Variants in CORO1A observed in about 807,000 individuals in gnomAD.
CORO1A encodes coronin 1A.
A neutral mutation model predicts 44.1 loss-of-function variants in CORO1A; 17 were observed. The observed-to-expected ratio is 0.39, with a 90% CI of 0.26 to 0.58. CORO1A has a LOEUF of 0.58. CORO1A is among the 20% of genes least tolerant of loss of function. CORO1A has a pLI of 0.62. For synonymous variants in CORO1A, 271 were observed against 244.2 expected (o/e 1.11, Z -1.02); for missense variants, 415 against 606.5 (o/e 0.68, Z 3.32).
Position 30,185,206 on chromosome 16 carries a change from C to A in CORO1A, c.-1-3C>A. On this transcript the variant is annotated splice_polypyrimidine_tract_variant and splice_region_variant and intron_variant, in intron 1 of 10. Transcript: ENST00000219150. Reference sequence around the variant, plus strand: ...GAAATGCTCTTATGCTGTGTGCCCCCAGAATGAGCCGGCAGGTGGTCCGCT... The same window carrying A: ...GAAATGCTCTTATGCTGTGTGCCCCAAGAATGAGCCGGCAGGTGGTCCGCT... 1 of 1,614,088 alleles carries A rather than the reference C, an allele frequency of 6.2e-7. No homozygotes were observed. Among genetic ancestry groups the A allele is most frequent in the African/African-American group, 1.3e-5 (1 of 75,054 alleles).
In CORO1A at chr16:30,187,025, T is replaced by C; in HGVS notation, c.452-14T>C. 1.2e-6 allele frequency: 2 copies of C among 1,613,720 alleles called. No homozygotes were observed. Among genetic ancestry groups the C allele is most frequent in the Non-Finnish European group, 1.7e-6 (2 of 1,179,906 alleles). ...AGGAGGCTCATGGCTTCTGACACTG[T>C]GGGGAACGTGCAGGTTGTGACAACG... On this transcript the variant is annotated splice_polypyrimidine_tract_variant and intron_variant, in intron 4 of 10. Coordinates refer to ENST00000219150, the MANE Select transcript of CORO1A (RefSeq NM_007074.4).
Position 30,187,384 on chromosome 16 carries a change from G to A in CORO1A, c.639G>A (p.Glu213=). 6.2e-7 allele frequency: 1 copy of A among 1,610,686 alleles called. No homozygotes were observed. The highest frequency in any genetic ancestry group is 8.5e-7 in the Non-Finnish European group (1 of 1,179,998). Reference sequence around the variant, plus strand: ...CTACCACCTCCCTTTCCTTGCAGGAGAAGGACCGTCCCCACGAGGGGACCC... The same window carrying A: ...CTACCACCTCCCTTTCCTTGCAGGAAAAGGACCGTCCCCACGAGGGGACCC... ...IEPRKGTVVA[E]KDRPHEGTRP... The change falls in exon 6 of 11, where the codon GAG becomes GAA. Residue 213 remains glutamate, a splice_region_variant and synonymous_variant. Coordinates refer to ENST00000219150, the MANE Select transcript of CORO1A (RefSeq NM_007074.4).
In CORO1A at chr16:30,185,415, C is replaced by T. The variant is rs376374255; in HGVS notation, c.198+8C>T. On this transcript the variant is annotated splice_region_variant and intron_variant, in intron 2 of 10. Coordinates refer to ENST00000219150, the MANE Select transcript of CORO1A (RefSeq NM_007074.4). The stretch of plus-strand genomic sequence containing the variant: ...GTGCTGCCCCTGGGCAAGGTGAGCC[C>T]CTGGGGCCCTGGGGGGAGCAGCTCC... The T allele has an allele frequency of 3.1e-6, 5 of 1,610,904 alleles. No homozygotes were observed. The African/African-American group carries it at 4.0e-5, about 13-fold the overall frequency.
chr16:30,186,274 T>G, intron 2 of CORO1A: 4 of 391,554 alleles, frequency 1.0e-5, no homozygotes, highest in Non-Finnish European at 1.5e-5. Context: ...GTTGTGCCCA[T>G]GGAAGCCTCA....
intron 2 of CORO1A, chr16:30,185,975 GT>G (rs2073328979): frequency 5.1e-6 from 1 of 196,166 alleles, no homozygotes; most frequent in South Asian, 8.2e-5. Context: ...GCCCCAAGTT[GT>G]TACCTTAAAA....
At position 30,188,491 on chromosome 16, in the gene CORO1A, C is replaced by G; in HGVS notation, c.1196C>G (p.Pro399Arg). The change falls in exon 10 of 11, where the codon CCA becomes CGA. Residue 399 changes from proline to arginine, a missense_variant. Transcript: ENST00000219150. ...TCCCTCAAGGATGGCTACGTACCCC[C>G]AAAGAGCCGGGAGCTGAGGGTCAAC... Reference protein sequence around the residue: ...LISLKDGYVPPKSRELRVNRG... With the variant: ...LISLKDGYVPRKSRELRVNRG... The G allele has an allele frequency of 6.2e-7, 1 of 1,613,150 alleles. No individual in the cohort carries two copies. The highest frequency in any genetic ancestry group is 8.5e-7 in the Non-Finnish European group (1 of 1,179,966).
chr16:30,188,861 A>C lies in CORO1A; in HGVS notation c.1283A>C (p.Asp428Ala), dbSNP rs1181101472. The change falls in exon 11 of 11, where the codon GAT becomes GCT. Residue 428 changes from aspartate to alanine, a missense_variant and splice_region_variant. Asp to Ala is a moderately radical substitution (Grantham distance 126). Around this residue, in one of 2 missense-constraint regions of CORO1A, gnomAD observed 90 missense variants for 84.7 expected, o/e 1.06. Transcript: ENST00000219150. Reference protein sequence around the residue: ...APEASGTPSSDAVSRLEEEMR... With the variant: ...APEASGTPSSAAVSRLEEEMR... ...CCTAATGCAGCACCGGGTCCCCAGG[A>C]TGCCGTGTCTCGGCTGGAGGAGGAG... is the stretch of plus-strand genomic sequence containing the variant. The C allele has an allele frequency of 2.5e-6, 1 of 392,404 alleles. No individual in the cohort carries two copies. Among genetic ancestry groups the C allele is most frequent in the African/African-American group, 6.4e-5 (1 of 15,514 alleles). The allele number at this position is 392,404 out of a possible 1,614,324, so 24.3% of individuals were successfully genotyped here.
rs1193628817 is a variant in CORO1A, at chr16:30,187,705, C to T, written c.757-20C>T. On this transcript the variant is annotated intron_variant, in intron 6 of 10. Coordinates refer to ENST00000219150, the MANE Select transcript of CORO1A (RefSeq NM_007074.4). Reference sequence around the variant, plus strand: ...CACCATCCCAGGGCCTGGGATGTTACCTCTCACCTGTGTCTACAGAAGCAC... The same window carrying T: ...CACCATCCCAGGGCCTGGGATGTTATCTCTCACCTGTGTCTACAGAAGCAC... The T allele has an allele frequency of 3.8e-6, 6 of 1,581,870 alleles. No homozygotes were observed. The highest frequency in any genetic ancestry group is 3.3e-5 in the South Asian group (3 of 90,504).
In CORO1A at chr16:30,187,943, G is replaced by T. The variant is rs771972084; in HGVS notation, c.863G>T (p.Gly288Val). The change falls in exon 8 of 11, where the codon GGT (glycine) becomes GTT (valine). Residue 288 changes from glycine (G) to valine (V), a missense_variant and splice_region_variant. This residue lies in a region of CORO1A where 325 missense variants were observed against 521.7 expected (regional missense o/e 0.62). Coordinates refer to ENST00000219150, the MANE Select transcript of CORO1A (RefSeq NM_007074.4). ...TCCCTCCACACCTGCCACCTACAGG[G>T]TGACAGCTCAATCCGGTACTTTGAG... ...DTNIVYLCGK[G>V]DSSIRYFEIT... The T allele has an allele frequency of 6.2e-7, 1 of 1,614,028 alleles. No homozygotes were observed.
At position 30,186,612 on chromosome 16, in the gene CORO1A, C is replaced by T. The variant is rs758837364; in HGVS notation, c.213C>T (p.Asp71=). ...TGTGCCTTTAGACTGGACGTGTGGA[C>T]AAGAATGCGCCCACGGTCTGTGGCC... ...VLPLGKTGRV[D]KNAPTVCGHT... is the part of the protein sequence containing the mutation. The change falls in exon 3 of 11, where the codon GAC becomes GAT. Residue 71 remains aspartate, a synonymous_variant. Transcript: ENST00000219150. 9 of 1,612,312 alleles carry T rather than the reference C, an allele frequency of 5.6e-6. No homozygotes were observed. The highest frequency in any genetic ancestry group is 7.6e-6 in the Non-Finnish European group (9 of 1,180,014).
chr16:30,187,418 C>A lies in CORO1A; in HGVS notation c.673C>A (p.Arg225Ser). 6.2e-7 allele frequency: 1 copy of A among 1,611,286 alleles called. No homozygotes were observed. The highest frequency in any genetic ancestry group is 8.5e-7 in the Non-Finnish European group (1 of 1,180,004). ...TCCCCACGAGGGGACCCGGCCCGTG[C>A]GTGCAGTGTTCGTGTCGGAGGGGAA... ...DRPHEGTRPV[R>S]AVFVSEGKIL... The change falls in exon 6 of 11, where the codon CGT becomes AGT. Residue 225 changes from arginine to serine, a missense_variant. Physicochemically the swap from Arg to Ser is moderately radical, Grantham distance 110. Around this residue, in one of 2 missense-constraint regions of CORO1A, gnomAD observed 325 missense variants for 521.7 expected, o/e 0.62. Transcript: ENST00000219150.
intron 8 of CORO1A, 31 bp from the exon 9 acceptor site, chr16:30,188,159 CTG>C: frequency 6.2e-7 from 1 of 1,613,722 alleles, no homozygotes; most frequent in Admixed American, 1.7e-5. Context: ...CCCAACCAGA[CTG>C]TGGGCCCCGC....
At position 30,187,421 on chromosome 16, in the gene CORO1A, G is replaced by A. The variant is rs1308704846; in HGVS notation, c.676G>A (p.Ala226Thr). ...CCACGAGGGGACCCGGCCCGTGCGTGCAGTGTTCGTGTCGGAGGGGAAGAT... is the reference window on the plus strand; with the variant it reads ...CCACGAGGGGACCCGGCCCGTGCGTACAGTGTTCGTGTCGGAGGGGAAGAT... ...RPHEGTRPVR[A>T]VFVSEGKILT... Residue 226 changes from alanine (A) to threonine (T), a missense_variant, in exon 6 of 11, where the codon GCA becomes ACA. Coordinates refer to ENST00000219150, the MANE Select transcript of CORO1A (RefSeq NM_007074.4). 6.2e-7 allele frequency: 1 copy of A among 1,611,246 alleles called. No homozygotes were observed. Among genetic ancestry groups the A allele is most frequent in the African/African-American group, 1.3e-5 (1 of 75,074 alleles).
intron 2 of CORO1A, chr16:30,186,205 C>T (rs1213298631): frequency 3.0e-6 from 1 of 331,736 alleles, no homozygotes; most frequent in Non-Finnish European, 5.9e-6. Context: ...CACACTCGCT[C>T]TCTGGGGAGC....
At position 30,188,507 on chromosome 16, in the gene CORO1A, G is replaced by A. The variant is rs1180511300; in HGVS notation, c.1212G>A (p.Leu404=). 6 of 1,613,004 alleles carry A rather than the reference G, an allele frequency of 3.7e-6. No homozygotes were observed. In the South Asian group the frequency reaches 5.5e-5, roughly 15 times the overall value. Residue 404 remains leucine (L), a synonymous_variant, in exon 10 of 11, where the codon CTG becomes CTA. Coordinates refer to ENST00000219150, the MANE Select transcript of CORO1A (RefSeq NM_007074.4). ...DGYVPPKSRE[L]RVNRGLDTGR... is the part of the protein sequence containing the mutation. ...ACGTACCCCCAAAGAGCCGGGAGCT[G>A]AGGGTCAACCGGGGCCTGGACACCG...
intron 2 of CORO1A, 97 bp downstream of exon 2, chr16:30,185,504 C>T: frequency 1.8e-6 from 2 of 1,098,492 alleles, no homozygotes; most frequent in South Asian, 2.8e-5. Flanking sequence ...CTTCCAGGGC[C>T]TGTGTTGCCA....
chr16:30,185,583 G>C, intron 2 of CORO1A, 176 bp downstream of exon 2: 1 of 623,682 alleles, frequency 1.6e-6, no homozygotes, highest in Non-Finnish European at 2.8e-6. Flanking sequence ...TGGCTGTGTG[G>C]AAACTGACGC....
chr16:30,187,865 G>GGGGGGCCCGGGGGC, intron 7 of CORO1A, 36 bp downstream of exon 7: 1 of 513,368 alleles, frequency 1.9e-6, no homozygotes, highest in Non-Finnish European at 3.6e-6. Context: ...TGGGAGGTGG[G>GGGGGGCCCGGGGGC]CAGGATGGGC....
chr16:30,187,838 G>A lies in CORO1A; in HGVS notation c.861+9G>A, dbSNP rs758727900. 3.4e-5 allele frequency: 53 copies of A among 1,579,850 alleles called. No individual in the cohort carries two copies. The highest frequency in any genetic ancestry group is 3.3e-4 in the Middle Eastern group (2 of 5,982). On this transcript the variant is annotated intron_variant, in intron 7 of 10. Transcript: ENST00000219150. ...TCTACCTCTGTGGCAAGGTGGCCTC[G>A]TCGGGCGGGGTGGGGGTGGGAGGTG...
Sources: allele counts gnomAD v4.1 joint callset, GRCh38; gene constraint gnomAD v4.1.1; regional missense constraint gnomAD v4.1.1; transcripts MANE v1.5; gene names NCBI Gene and HGNC (gene_info 2026-07-23, HGNC 2026-07-21).